The following MYH13 variants were observed in gnomAD, a reference collection of about 807,000 sequenced individuals.
MYH13 encodes myosin-13.
In MYH13, 177 loss-of-function variants were observed where a neutral mutation model predicts 232.1. The ratio of observed to expected loss-of-function variants is 0.76; its 90% CI spans 0.67 to 0.86. MYH13 has a LOEUF of 0.86. MYH13 is among the 40% of genes least tolerant of loss of function. The pLI, the probability that MYH13 is intolerant of heterozygous loss-of-function variation, is 0.00. For missense variants in MYH13, 2,246 were observed against 2,405.9 expected (o/e 0.93, Z 1.39); for synonymous variants, 884 against 923.5 (o/e 0.96, Z 0.78).
chr17:10,324,118 A>T lies in MYH13; in HGVS notation c.2838T>A (p.Asn946Lys), dbSNP rs377056238. Reference sequence around the variant, plus strand: ...TGAGAGAGGAGCATTTATCTTCCAGATTCCTCTTCTTGGCAACCAATTCAG... The same window carrying T: ...TGAGAGAGGAGCATTTATCTTCCAGTTTCCTCTTCTTGGCAACCAATTCAG... ...MNSELVAKKR[N>K]LEDKCSSLKR... Residue 946 changes from asparagine (N) to lysine (K), a missense_variant, in exon 23 of 41, where the codon AAT becomes AAA. By Grantham distance (94) the Asn-to-Lys change is moderately conservative. Coordinates refer to ENST00000252172, the MANE Select transcript of MYH13 (RefSeq NM_003802.3). The T allele has an allele frequency of 2.5e-5, 41 of 1,613,644 alleles. No individual in the cohort carries two copies. The highest frequency in any genetic ancestry group is 3.1e-5 in the Non-Finnish European group (37 of 1,179,874).
At position 10,306,522 on chromosome 17, in the gene MYH13, T is replaced by G; in HGVS notation, c.5403A>C (p.Leu1801=). The G allele has an allele frequency of 6.2e-7, 1 of 1,614,152 alleles. No homozygotes were observed. Among genetic ancestry groups the G allele is most frequent in the East Asian group, 2.2e-5 (1 of 44,882 alleles). The part of the protein sequence containing the change: ...EQTVKDLQHR[L]DEAEQLALKG... ...TCAGCGCCAGTTGTTCAGCCTCATC[T>G]AGACGGTGCTGCAGGTCCTTCACCG... The change falls in exon 37 of 41, where the codon CTA becomes CTC. Residue 1801 remains leucine (L), a synonymous_variant. Coordinates refer to ENST00000252172, the MANE Select transcript of MYH13 (RefSeq NM_003802.3). This position sits in a 1 kb window ranked among gnomAD's most constrained non-coding sequence, Gnocchi z 4.3.
In MYH13 at chr17:10,350,598, G is replaced by T; in HGVS notation, c.1102C>A (p.Gln368Lys). ...VMHYGNMKFK[Q>K]KQREEQAEPD... ...TCCGCCTGCTCCTCACGCTGCTTCT[G>T]CTTGAACTTCATGTTCCCATAATGC... The change falls in exon 12 of 41, where the codon CAG becomes AAG. Residue 368 changes from glutamine (Q) to lysine (K), a missense_variant. Coordinates refer to ENST00000252172, the MANE Select transcript of MYH13 (RefSeq NM_003802.3). 6.2e-7 allele frequency: 1 copy of T among 1,613,636 alleles called. No homozygotes were observed.
At position 10,330,392 on chromosome 17, in the gene MYH13, C is replaced by T; in HGVS notation, c.2430G>A (p.Glu810=). Residue 810 remains glutamate (E), a synonymous_variant, in exon 21 of 41, where the codon GAG becomes GAA. Transcript: ENST00000252172. ...GAGGTGAGGGTCTGTGTCACCTCCT[C>T]TCCATCATCTTCTTGAACTCCACCC... The part of the protein sequence containing the change: ...LMRVEFKKMM[E]RRDSIFCIQY... 2 of 1,613,650 alleles carry T rather than the reference C, an allele frequency of 1.2e-6. No homozygotes were observed. Among genetic ancestry groups the T allele is most frequent in the East Asian group, 2.2e-5 (1 of 44,874 alleles).
intron 3 of MYH13, among the ~76,000 whole-genome samples, chr17:10,363,626 TC>T (rs1333795557): frequency 3.9e-5 from 6 of 151,964 alleles, no homozygotes; most frequent in African/African-American, 1.2e-4. Flanking sequence ...AGGCTGTGAG[TC>T]CCCCGTGTAG....
chr17:10,306,442 C>T lies in MYH13; in HGVS notation c.5466+17G>A. 1 of 1,614,022 alleles carries T rather than the reference C, an allele frequency of 6.2e-7. No individual in the cohort carries two copies. Among genetic ancestry groups the T allele is most frequent in the Non-Finnish European group, 8.5e-7 (1 of 1,179,964 alleles). ...AGGCTGTCACTTTCAGAGTAACAGTCCTCTCAAAAACTCTACCCGGTTCTC... is the reference window on the plus strand; with the variant it reads ...AGGCTGTCACTTTCAGAGTAACAGTTCTCTCAAAAACTCTACCCGGTTCTC... On this transcript the variant is annotated intron_variant, in intron 37 of 40. Transcript: ENST00000252172. The surrounding 1 kb of genome is among the most constrained non-coding windows in gnomAD (Gnocchi z 4.3).
chr17:10,331,682 T>C (rs1301032340), intron 20 of MYH13, among the ~76,000 whole-genome samples: 1 of 152,072 alleles, frequency 6.6e-6, no homozygotes, highest in Non-Finnish European at 1.5e-5. Context: ...CCTCAAGAAA[T>C]CCTACTTCAG....
chr17:10,359,954 G>A lies in MYH13; in HGVS notation c.645+6C>T, dbSNP rs763572684. On this transcript the variant is annotated splice_donor_region_variant and intron_variant, in intron 7 of 40. Coordinates refer to ENST00000252172, the MANE Select transcript of MYH13 (RefSeq NM_003802.3). ...TAAGCCTCCGGATGCAGGTGGGGCT[G>A]CTCACCTGCATTTTGCCTGGCTGTG... is the stretch of plus-strand genomic sequence containing the variant. 6.2e-7 allele frequency: 1 copy of A among 1,605,616 alleles called. No individual in the cohort carries two copies. The highest frequency in any genetic ancestry group is 8.5e-7 in the Non-Finnish European group (1 of 1,173,100).
chr17:10,357,913 G>A, intron 7 of MYH13, 86 bp from the exon 8 acceptor site: 1 of 1,201,894 alleles, frequency 8.3e-7, no homozygotes. Flanking sequence ...GGGTACTCTG[G>A]GCAGGTTCAG....
At position 10,315,998 on chromosome 17, in the gene MYH13, C is replaced by T. The variant is rs373421683; in HGVS notation, c.3766G>A (p.Val1256Ile). 5.3e-5 allele frequency: 85 copies of T among 1,613,900 alleles called. No homozygotes were observed. The highest frequency in any genetic ancestry group is 2.2e-4 in the East Asian group (10 of 44,896). ...TTGATTTCACTAAATTGATCTTCTA[C>T]CGTCCGGCACGTTCTTTCTATGTTA... is the stretch of plus-strand genomic sequence containing the variant. The part of the protein sequence containing the change: ...KSNIERTCRT[V>I]EDQFSEIKAK... The change falls in exon 28 of 41, where the codon GTA (valine) becomes ATA (isoleucine). Residue 1256 changes from valine (V) to isoleucine (I), a missense_variant. Val to Ile is a conservative substitution (Grantham distance 29). Coordinates refer to ENST00000252172, the MANE Select transcript of MYH13 (RefSeq NM_003802.3).
In MYH13 at chr17:10,303,595, C is replaced by T. The variant is rs1373515917; in HGVS notation, c.5467-97G>A. The T allele has an allele frequency of 3.9e-6, 4 of 1,019,922 alleles. No homozygotes were observed. The African/African-American group carries it at 6.4e-5, about 16-fold the overall frequency. 63.2% of individuals were successfully genotyped at this position (1,019,922 alleles called of 1,614,324 possible). ...TCATTCTAGAGTGAACTCAAGATCC[C>T]CTAATGGTCATTAAAAAGTCAGGAA... On this transcript the variant is annotated intron_variant, in intron 37 of 40. Coordinates refer to ENST00000252172, the MANE Select transcript of MYH13 (RefSeq NM_003802.3).
chr17:10,332,534 C>T (rs1435420321), intron 19 of MYH13, among the ~76,000 whole-genome samples: 1 of 152,198 alleles, frequency 6.6e-6, no homozygotes, highest in Non-Finnish European at 1.5e-5. Flanking sequence ...TCAACCGTGA[C>T]CTGTAGGCCG....
intron 21 of MYH13, among the ~76,000 whole-genome samples, chr17:10,329,681 C>T (rs1907343753): frequency 6.6e-6 from 1 of 151,868 alleles, no homozygotes; most frequent in Non-Finnish European, 1.5e-5. Context: ...GTAGAGCTTG[C>T]TTCAGAAAGT....
At chr17:10,351,093 C>T (rs2071707034) in intron 11 of MYH13, among the ~76,000 whole-genome samples, 1 of 151,770 alleles carries the variant, frequency 6.6e-6, no homozygotes, top group African/African-American at 2.4e-5. Context: ...TGGTGGCTGG[C>T]ACCTGTAGTC....
chr17:10,312,907 T>A, intron 30 of MYH13, 150 bp from the exon 31 acceptor site: 1 of 1,132,416 alleles, frequency 8.8e-7, no homozygotes, highest in Non-Finnish European at 1.2e-6. Flanking sequence ...AGGATCCAAG[T>A]GTCACCGAGA....
In MYH13 at chr17:10,355,023, G is replaced by A. The variant is rs1316275993; in HGVS notation, c.803-30C>T. The A allele has an allele frequency of 8.1e-6, 13 of 1,609,572 alleles. No homozygotes were observed. In the South Asian group the frequency reaches 1.2e-4, roughly 15 times the overall value. ...GGTAACAAAAATAACGTGATTTCAG[G>A]CTCCCAAGAGATGCTTTTGTGGCCA... is the stretch of plus-strand genomic sequence containing the variant. On this transcript the variant is annotated intron_variant, in intron 9 of 40. Coordinates refer to ENST00000252172, the MANE Select transcript of MYH13 (RefSeq NM_003802.3).
At chr17:10,345,798 T>C (rs537103076) in intron 13 of MYH13, among the ~76,000 whole-genome samples, 182 bp from the exon 14 acceptor site, 2 of 151,744 alleles carry the variant, frequency 1.3e-5, no homozygotes, top group East Asian at 3.9e-4. Flanking sequence ...TTCAAGACCA[T>C]CCTGGCCAAC....
At chr17:10,314,031 T>C (rs1906616082) in intron 29 of MYH13, among the ~76,000 whole-genome samples, 10 of 152,148 alleles carry the variant, frequency 6.6e-5, no homozygotes, top group Admixed American at 6.5e-4. Flanking sequence ...ACAGTTTAGC[T>C]CCGACTATAA....
At position 10,362,214 on chromosome 17, in the gene MYH13, G is replaced by C. The variant is rs2142274989; in HGVS notation, c.409C>G (p.Pro137Ala). Residue 137 changes from proline (P) to alanine (A), a missense_variant, in exon 5 of 41, where the codon CCC becomes GCC. By Grantham distance (27) the Pro-to-Ala change is conservative. Coordinates refer to ENST00000252172, the MANE Select transcript of MYH13 (RefSeq NM_003802.3). ...CCTCTGTAGGCAGCCACCACCTCGG[G>C]CTTGTACACCGGCAGCCACTTGTAG... The part of the protein sequence containing the change: ...NPYKWLPVYK[P>A]EVVAAYRGKK... 1 of 1,613,848 alleles carries C rather than the reference G, an allele frequency of 6.2e-7. No individual in the cohort carries two copies. The highest frequency in any genetic ancestry group is 8.5e-7 in the Non-Finnish European group (1 of 1,179,788).
rs1053737487 is a variant in MYH13, at chr17:10,333,601, T to A, written c.2057-410A>T. ...TCTGCAGGCTGTGGCTGCAGAAGAG[T>A]AACCCAGCAAAGAAGAGGAGGCCGG... On this transcript the variant is annotated intron_variant, in intron 18 of 40. Transcript: ENST00000252172. Among the ~76,000 whole-genome samples, 45 of 151,570 alleles carry A rather than the reference T, an allele frequency of 3.0e-4. 1 individual carries two copies. The highest frequency in any genetic ancestry group is 2.1e-4 in the Non-Finnish European group (14 of 67,868).
Sources: allele counts gnomAD v4.1 joint callset (sites outside exome capture counted in the v4.1 genomes callset), GRCh38; gene constraint gnomAD v4.1.1; non-coding constraint Gnocchi (gnomAD v3.1); transcripts MANE v1.5; gene names NCBI Gene and HGNC (gene_info 2026-07-23, HGNC 2026-07-21).